The following PBDC1 variants were observed in gnomAD, a reference collection of about 807,000 sequenced individuals.
PBDC1 encodes the protein protein PBDC1.
PBDC1 carries 3 observed loss-of-function variants against 12.0 expected under a neutral mutation model. That is an observed-to-expected ratio of 0.25 (90% confidence interval 0.11 to 0.64). The LOEUF is 0.64. Among genes scored for constraint, PBDC1 ranks in the 30% least tolerant of loss-of-function variants. The pLI, the probability that PBDC1 is intolerant of heterozygous loss-of-function variation, is 0.84. For synonymous variants in PBDC1, 64 were observed against 56.4 expected (o/e 1.13, Z -0.60); for missense variants, 162 against 168.1 (o/e 0.96, Z 0.20).
chrX:76,175,057 C>G (rs985840913), intron 3 of PBDC1, 108 bp downstream of exon 3: 17 of 653,248 alleles, frequency 2.6e-5, no homozygotes, highest in Non-Finnish European at 3.6e-5. Flanking sequence ...TTTTGGAGAT[C>G]GTTTTTATTA....
rs782284152 is a variant in PBDC1 at position 76,178,051 on chromosome X, A to G, written c.*143A>G. Reference sequence around the variant, plus strand: ...CAGAAGGACATCTTTCTAGTCTAACAGTCAGGAGCTGCTCTGGTCATTCCC... The same window carrying G: ...CAGAAGGACATCTTTCTAGTCTAACGGTCAGGAGCTGCTCTGGTCATTCCC... On this transcript the variant is annotated 3_prime_UTR_variant, in exon 6 of 6. Transcript: ENST00000373358. 1 of 1,062,199 alleles carries G rather than the reference A, an allele frequency of 9.4e-7. No individual in the cohort carries two copies. The highest frequency in any genetic ancestry group is 1.9e-5 in the African/African-American group (1 of 53,516). 87.5% of individuals were successfully genotyped at this position (1,062,199 alleles called of 1,213,427 possible). A position where few individuals can be genotyped will look rare whatever the true frequency, so the allele number is the denominator to read the frequency against.
chrX:76,173,957 A>G (rs374917281), intron 2 of PBDC1, among the ~76,000 whole-genome samples: 7 of 112,235 alleles, frequency 6.2e-5, no homozygotes, highest in African/African-American at 2.3e-4. Context: ...AGAGCCAAGA[A>G]TCAGTATTTT....
chrX:76,175,673 T>C (rs1924772195), intron 4 of PBDC1, 60 bp downstream of exon 4: 2 of 942,587 alleles, frequency 2.1e-6, no homozygotes, highest in African/African-American at 2.0e-5. Flanking sequence ...TGATTGCGAA[T>C]GTTTTTTTAC....
intron 5 of PBDC1, among the ~76,000 whole-genome samples, chrX:76,177,239 G>T (rs782338921): frequency 1.8e-5 from 2 of 111,244 alleles, no homozygotes; most frequent in East Asian, 5.7e-4. Flanking sequence ...AATTTTGTCA[G>T]TAGATTTCCA....
chrX:76,175,542 C>T lies in PBDC1; in HGVS notation c.226C>T (p.Arg76Trp). The change falls in exon 4 of 6, where the codon CGG becomes TGG. Residue 76 changes from arginine (R) to tryptophan (W), a missense_variant. Arg to Trp is a moderately radical substitution (Grantham distance 101). Around this residue, in one of 3 missense-constraint regions of PBDC1, gnomAD observed 21 missense variants for 43.4 expected, o/e 0.48. Coordinates refer to ENST00000373358, the MANE Select transcript of PBDC1 (RefSeq NM_016500.5). Reference sequence around the variant, plus strand: ...AGATGACCAAATTTACTCTGAGTTCCGGAAAAATTTTGAGACCCTTAGGAT... The same window carrying T: ...AGATGACCAAATTTACTCTGAGTTCTGGAAAAATTTTGAGACCCTTAGGAT... ...KVDDQIYSEF[R>W]KNFETLRIDV... 4 of 1,207,009 alleles carry T rather than the reference C, an allele frequency of 3.3e-6. No individual in the cohort carries two copies. The highest frequency in any genetic ancestry group is 4.5e-6 in the Non-Finnish European group (4 of 891,465).
At chrX:76,177,523 C>A (rs1305176276) in intron 5 of PBDC1, 93 bp from the exon 6 acceptor site, 1 of 850,577 alleles carries the variant, frequency 1.2e-6, no homozygotes, top group Non-Finnish European at 1.7e-6. Flanking sequence ...TGCAGTCCAG[C>A]CCTGGTCATC....
intron 5 of PBDC1, among the ~76,000 whole-genome samples, chrX:76,177,355 C>T (rs1243736621): frequency 4.5e-5 from 5 of 110,438 alleles, no homozygotes; most frequent in Non-Finnish European, 9.5e-5. Context: ...TTGAGACCAG[C>T]CTGGGCAACA....
Position 76,173,091 on chromosome X carries a change from A to C in PBDC1, c.-48A>C. ...GTTGAGAAGGACTCTGATCCGGCTC[A>C]GCTTTCCAATCAGCTGCGGAAGGAG... On this transcript the variant is annotated 5_prime_UTR_variant, in exon 1 of 6. Coordinates refer to ENST00000373358, the MANE Select transcript of PBDC1 (RefSeq NM_016500.5). 1 of 1,160,349 alleles carries C rather than the reference A, an allele frequency of 8.6e-7. No individual in the cohort carries two copies. The highest frequency in any genetic ancestry group is 1.2e-6 in the Non-Finnish European group (1 of 864,657).
At position 76,178,238 on chromosome X, in the gene PBDC1, C is replaced by T; in HGVS notation, c.*330C>T. 3.3e-6 allele frequency: 1 copy of T among 298,555 alleles called. No individual in the cohort carries two copies. The highest frequency in any genetic ancestry group is 5.9e-6 in the Non-Finnish European group (1 of 170,379). 24.6% of individuals were successfully genotyped at this position (298,555 alleles called of 1,213,427 possible). On this transcript the variant is annotated 3_prime_UTR_variant, in exon 6 of 6. Coordinates refer to ENST00000373358, the MANE Select transcript of PBDC1 (RefSeq NM_016500.5). The stretch of plus-strand genomic sequence containing the variant: ...ACTGACTTTAAAAAGGTATTTGACA[C>T]TTGAAATTTTTTTCAAATATGTAAT...
chrX:76,173,528 G>C, intron 1 of PBDC1, 57 bp from the exon 2 acceptor site: 1 of 952,581 alleles, frequency 1.0e-6, no homozygotes, highest in Non-Finnish European at 1.5e-6. Flanking sequence ...TGGCCTTGGG[G>C]GGAGCCACCG....
intron 1 of PBDC1, 97 bp from the exon 2 acceptor site, chrX:76,173,488 G>A (rs1220848023): frequency 3.2e-6 from 2 of 626,503 alleles, no homozygotes; most frequent in Non-Finnish European, 4.9e-6. Context: ...CTCCCAAAGT[G>A]CTGGGATTAC....
intron 4 of PBDC1, among the ~76,000 whole-genome samples, chrX:76,176,042 G>A (rs926325808): frequency 3.5e-4 from 39 of 112,149 alleles, no homozygotes; most frequent in East Asian, 1.1e-3. Flanking sequence ...ACTTTGATAG[G>A]AAACTAACAC....
At chrX:76,174,192 G>C (rs1050072995) in intron 2 of PBDC1, among the ~76,000 whole-genome samples, 3 of 112,230 alleles carry the variant, frequency 2.7e-5, no homozygotes, top group Non-Finnish European at 1.9e-5. Flanking sequence ...TGGAAGACTT[G>C]ACTGAGGAAA....
chrX:76,175,816 C>T (rs1924775598), intron 4 of PBDC1, among the ~76,000 whole-genome samples: 1 of 111,148 alleles, frequency 9.0e-6, no homozygotes, highest in Non-Finnish European at 1.9e-5. Flanking sequence ...CTATTTTTTT[C>T]TCCTTTTTGT....
chrX:76,173,388 A>AT (rs1317431094), intron 1 of PBDC1, among the ~76,000 whole-genome samples, 197 bp from the exon 2 acceptor site: 2 of 109,830 alleles, frequency 1.8e-5, no homozygotes, highest in African/African-American at 3.3e-5. Flanking sequence ...GCCCAGCTAC[A>AT]TTTTTTGTAT....
rs1556797149 is a variant in PBDC1, at chrX:76,177,944, C to T, written c.*36C>T. The T allele has an allele frequency of 8.3e-7, 1 of 1,199,389 alleles. No individual in the cohort carries two copies. The highest frequency in any genetic ancestry group is 1.1e-6 in the Non-Finnish European group (1 of 890,375). On this transcript the variant is annotated 3_prime_UTR_variant, in exon 6 of 6. Transcript: ENST00000373358. Reference sequence around the variant, plus strand: ...GAACAGCACTCTAGAAGCTATGACTCAATTGAGACTACAAGTACCACGGTG... The same window carrying T: ...GAACAGCACTCTAGAAGCTATGACTTAATTGAGACTACAAGTACCACGGTG...
chrX:76,177,137 A>T, intron 5 of PBDC1, 145 bp downstream of exon 5: 1 of 420,228 alleles, frequency 2.4e-6, no homozygotes, highest in Non-Finnish European at 4.1e-6. Context: ...TAACTTGAAG[A>T]TAGTTAAGTA....
At chrX:76,176,801 G>A in intron 4 of PBDC1, 80 bp from the exon 5 acceptor site, 2 of 611,507 alleles carry the variant, frequency 3.3e-6, no homozygotes, top group Non-Finnish European at 5.5e-6. Context: ...TCCTTACTGG[G>A]AAAATGGAAG....
chrX:76,175,381 G>C (rs782716270), intron 3 of PBDC1, 92 bp from the exon 4 acceptor site: 1 of 860,480 alleles, frequency 1.2e-6, no homozygotes, highest in African/African-American at 2.0e-5. Flanking sequence ...CTTCTGCCCT[G>C]AGAACCATAA....
Sources: allele counts gnomAD v4.1 joint callset (sites outside exome capture counted in the v4.1 genomes callset), GRCh38; gene constraint gnomAD v4.1.1; regional missense constraint gnomAD v4.1.1; transcripts MANE v1.5; gene names NCBI Gene and HGNC (gene_info 2026-07-23, HGNC 2026-07-21).